The following ANGPT1 variants were observed in gnomAD, a reference collection of about 807,000 sequenced individuals.
ANGPT1 encodes the protein angiopoietin 1.
Under a neutral mutation model 62.2 loss-of-function variants are expected in ANGPT1, and 17 were observed. That is an observed-to-expected ratio of 0.27 (90% CI 0.19 to 0.41). The LOEUF is 0.41. Among genes scored for constraint, ANGPT1 ranks in the 10% least tolerant of loss-of-function variants. The pLI is 1.00. For synonymous variants in ANGPT1, 199 were observed against 198.9 expected, an observed-to-expected ratio of 1.00 and a Z score of 0.00; for missense variants, 478 against 594.9, an observed-to-expected ratio of 0.80 and a Z score of 2.04.
chr8:107,405,013 C>T (rs1288398688), intron 1 of ANGPT1, among the ~76,000 whole-genome samples: 3 of 151,956 alleles, frequency 2.0e-5, no homozygotes, highest in Non-Finnish European at 4.4e-5. Flanking sequence ...TTCTTGAGAA[C>T]ACCATGGGTT....
intron 2 of ANGPT1, among the ~76,000 whole-genome samples, chr8:107,346,271 C>T (rs541213478): frequency 1.3e-5 from 2 of 152,020 alleles, no homozygotes; most frequent in Non-Finnish European, 2.9e-5. Context: ...AGAATGGTAA[C>T]TGGAATAATG....
intron 1 of ANGPT1, among the ~76,000 whole-genome samples, chr8:107,415,742 C>A (rs1015211848): frequency 1.3e-5 from 2 of 152,132 alleles, no homozygotes; most frequent in African/African-American, 4.8e-5. Flanking sequence ...TTTGTCTGCT[C>A]GCATGTTATG....
intron 1 of ANGPT1, among the ~76,000 whole-genome samples, chr8:107,455,047 C>A (rs974532389): frequency 6.6e-6 from 1 of 152,002 alleles, no homozygotes; most frequent in African/African-American, 2.4e-5. Context: ...CCTTCAGAAG[C>A]CTTTTACTCA....
At chr8:107,282,102 C>A (rs1814021129) in intron 7 of ANGPT1, among the ~76,000 whole-genome samples, 1 of 151,704 alleles carries the variant, frequency 6.6e-6, no homozygotes, top group Non-Finnish European at 1.5e-5. Context: ...GCTTCTGTTC[C>A]ATTTTTCTTT....
chr8:107,405,014 A>AG (rs1331372788), intron 1 of ANGPT1, among the ~76,000 whole-genome samples: 3 of 152,058 alleles, frequency 2.0e-5, no homozygotes, highest in Non-Finnish European at 4.4e-5. Context: ...TCTTGAGAAC[A>AG]CCATGGGTTG....
At chr8:107,278,211 G>A (rs1311470117) in intron 7 of ANGPT1, among the ~76,000 whole-genome samples, 2 of 151,888 alleles carry the variant, frequency 1.3e-5, no homozygotes, top group Non-Finnish European at 2.9e-5. Flanking sequence ...AAGTAGCTGG[G>A]ACAATGGGTG....
At chr8:107,486,110 GAAA>G (rs1812806994) in intron 1 of ANGPT1, among the ~76,000 whole-genome samples, 1 of 152,182 alleles carries the variant, frequency 6.6e-6, no homozygotes, top group Non-Finnish European at 1.5e-5. Flanking sequence ...ATGGCTGTGT[GAAA>G]CAGAACTTGA....
intron 2 of ANGPT1, among the ~76,000 whole-genome samples, chr8:107,345,569 T>C (rs1183323293): frequency 1.3e-5 from 2 of 152,326 alleles, no homozygotes; most frequent in East Asian, 1.9e-4. Flanking sequence ...ATTTCAAATA[T>C]GCAATTAAGT....
intron 1 of ANGPT1, among the ~76,000 whole-genome samples, chr8:107,458,134 C>T (rs1003575946): frequency 2.0e-5 from 3 of 152,088 alleles, no homozygotes; most frequent in African/African-American, 7.2e-5. Flanking sequence ...TACTGATAAA[C>T]AAGATTTGAC....
At chr8:107,443,229 C>A (rs1811524743) in intron 1 of ANGPT1, among the ~76,000 whole-genome samples, 1 of 152,134 alleles carries the variant, frequency 6.6e-6, no homozygotes, top group Non-Finnish European at 1.5e-5. Flanking sequence ...AGGAACAATA[C>A]CTGCCTCAAC....
In ANGPT1 at chr8:107,251,210, G is replaced by A. The variant is rs1813241512; in HGVS notation, c.*645C>T. 6.6e-6 allele frequency: 1 copy of A among 152,244 alleles called. No individual in the cohort carries two copies. Among genetic ancestry groups the A allele is most frequent in the Admixed American group, 6.5e-5 (1 of 15,288 alleles). The allele number at this position is 152,244 out of a possible 1,614,324, so 9.4% of individuals were successfully genotyped here. A position where few individuals can be genotyped will look rare whatever the true frequency, so the allele number is the denominator to read the frequency against. ...TTTCTACCACACACTTATTGTCCAT[G>A]TACTACAGTTCATTATGGCTTACAA... On this transcript the variant is annotated 3_prime_UTR_variant, in exon 9 of 9. Coordinates refer to ENST00000517746, the MANE Select transcript of ANGPT1 (RefSeq NM_001146.5).
chr8:107,256,611 T>C (rs1357907903), intron 8 of ANGPT1, among the ~76,000 whole-genome samples: 1 of 152,208 alleles, frequency 6.6e-6, no homozygotes, highest in Non-Finnish European at 1.5e-5. Context: ...TCTGATAAGA[T>C]TCTGAATAGC....
chr8:107,293,778 T>C (rs1347418856), intron 6 of ANGPT1, among the ~76,000 whole-genome samples, 158 bp downstream of exon 6: 1 of 152,202 alleles, frequency 6.6e-6, no homozygotes, highest in East Asian at 1.9e-4. Context: ...TGAAAGTGAT[T>C]TATGAGTGTT....
At chr8:107,292,869 A>G (rs747174186) in intron 6 of ANGPT1, among the ~76,000 whole-genome samples, 1 of 152,202 alleles carries the variant, frequency 6.6e-6, no homozygotes, top group East Asian at 1.9e-4. Flanking sequence ...TGAGGCTAGT[A>G]TAGCATTTCT....
intron 1 of ANGPT1, among the ~76,000 whole-genome samples, chr8:107,395,810 C>T (rs187566739): frequency 2.8e-4 from 42 of 152,206 alleles, no homozygotes; most frequent in African/African-American, 7.5e-4. Flanking sequence ...AGCAGGAAAA[C>T]AGTTAGAATT....
intron 1 of ANGPT1, among the ~76,000 whole-genome samples, chr8:107,490,716 T>C (rs1394330550): frequency 1.3e-5 from 2 of 152,266 alleles, no homozygotes; most frequent in African/African-American, 2.4e-5. Context: ...TTAGGCTCTG[T>C]TGCAACTCCT....
Position 107,497,417 on chromosome 8 carries a change from GAAGAATGA to G in ANGPT1, c.134_141del (p.Phe45SerfsTer9). 1 of 1,614,180 alleles carries G rather than the reference GAAGAATGA, an allele frequency of 6.2e-7. No individual in the cohort carries two copies. ...TCACGACAGTTGCCATCGTGTTCTG[GAAGAATGA>G]AAGTGTAGGCACATTGCCCATGTTG... On this transcript the variant is annotated frameshift_variant, in exon 1 of 9. Transcript: ENST00000517746. LOFTEE classifies it high-confidence loss of function.
chr8:107,386,347 A>G (rs868412615), intron 1 of ANGPT1, among the ~76,000 whole-genome samples: 5 of 152,092 alleles, frequency 3.3e-5, no homozygotes, highest in Non-Finnish European at 1.5e-5. Flanking sequence ...GCAACATGCA[A>G]TTTACCCATG....
intron 7 of ANGPT1, among the ~76,000 whole-genome samples, chr8:107,270,713 A>T (rs759012483): frequency 6.6e-6 from 1 of 152,088 alleles, no homozygotes; most frequent in East Asian, 1.9e-4. Flanking sequence ...GCAATAGCCT[A>T]TCAATGAATA....
Sources: gnomAD v4.1 joint callset for allele counts (sites outside exome capture counted in the v4.1 genomes callset) on GRCh38, gnomAD v4.1.1 for gene constraint, MANE v1.5 for transcripts, NCBI Gene and HGNC (gene_info 2026-07-23, HGNC 2026-07-21) for gene names.